The following SEMA3C variants were observed in gnomAD, a reference collection of about 807,000 sequenced individuals.
The protein encoded by SEMA3C is semaphorin-3C.
Under a neutral mutation model 89.4 loss-of-function variants are expected in SEMA3C, and 47 were observed. The observed-to-expected ratio is 0.53, with a 90% CI of 0.42 to 0.67. The LOEUF (loss-of-function observed/expected upper bound fraction) is 0.67. SEMA3C is among the 30% of genes least tolerant of loss of function. The probability of loss-of-function intolerance (pLI) is 0.00; values close to 1 mark genes in which losing one functional copy is unlikely to be tolerated. For synonymous variants in SEMA3C, 310 were observed against 320.2 expected (o/e 0.97, Z 0.34); for missense variants, 839 against 929.1 (o/e 0.90, Z 1.26).
intron 2 of SEMA3C, among the ~76,000 whole-genome samples, chr7:80,899,026 A>T (rs1341225603): frequency 1.3e-5 from 2 of 152,116 alleles, no homozygotes; most frequent in African/African-American, 4.8e-5. Context: ...AAACATTCTT[A>T]TGTGCCCTAC....
intron 4 of SEMA3C, among the ~76,000 whole-genome samples, chr7:80,826,269 C>A (rs952485839): frequency 1.3e-5 from 2 of 152,142 alleles, no homozygotes; most frequent in South Asian, 4.1e-4. Flanking sequence ...AGACTCAGGG[C>A]AGTCTTCACT....
At chr7:80,807,192 G>A (rs1201551177) in intron 6 of SEMA3C, among the ~76,000 whole-genome samples, 1 of 151,088 alleles carries the variant, frequency 6.6e-6, no homozygotes, top group Non-Finnish European at 1.5e-5. Context: ...TCACATTTTT[G>A]TATATTCAAT....
chr7:80,880,097 C>G (rs1274052383), intron 2 of SEMA3C, among the ~76,000 whole-genome samples: 1 of 152,234 alleles, frequency 6.6e-6, no homozygotes, highest in African/African-American at 2.4e-5. Context: ...TTTCCTCTGT[C>G]TGGAATGCTC....
intron 5 of SEMA3C, among the ~76,000 whole-genome samples, chr7:80,814,731 G>C (rs567102631): frequency 6.6e-6 from 1 of 152,092 alleles, no homozygotes; most frequent in African/African-American, 2.4e-5. Context: ...AATTAAAGAG[G>C]CTGAAAATAA....
At chr7:80,807,322 T>C (rs1789365319) in intron 6 of SEMA3C, among the ~76,000 whole-genome samples, 2 of 152,180 alleles carry the variant, frequency 1.3e-5, no homozygotes. Flanking sequence ...AGTTAGTGTA[T>C]GGCAGAGAGG....
At chr7:80,745,413 G>A in intron 17 of SEMA3C, 106 bp from the exon 18 acceptor site, 1 of 1,131,722 alleles carries the variant, frequency 8.8e-7, no homozygotes, top group South Asian at 1.4e-5. Flanking sequence ...TGGGAAAAAA[G>A]TATTGAGCAC....
At chr7:80,799,078 C>G (rs1026196201) in intron 10 of SEMA3C, among the ~76,000 whole-genome samples, 2 of 152,112 alleles carry the variant, frequency 1.3e-5, no homozygotes, top group African/African-American at 4.8e-5. Flanking sequence ...TTGAAAACAA[C>G]ATTTTCTTAA....
At chr7:80,919,394 G>A (rs1281981302), upstream of SEMA3C, 39 of 984,958 alleles carry the variant, frequency 4.0e-5, no homozygotes, top group Non-Finnish European at 4.6e-5. Flanking sequence ...CACGGTTTTT[G>A]TTGCCGGCGG....
At chr7:80,824,159 A>G (rs564021743) in intron 4 of SEMA3C, among the ~76,000 whole-genome samples, 12 of 152,106 alleles carry the variant, frequency 7.9e-5, no homozygotes, top group South Asian at 2.1e-4. Context: ...ACTCTGTTTT[A>G]TTTTTGCTTT....
At chr7:80,894,760 T>C (rs2116165963) in intron 2 of SEMA3C, among the ~76,000 whole-genome samples, 1 of 152,250 alleles carries the variant, frequency 6.6e-6, no homozygotes, top group African/African-American at 2.4e-5. Context: ...TTGGACCCAC[T>C]CTTAACCTAT....
chr7:80,824,788 T>C (rs1394555274), intron 4 of SEMA3C, among the ~76,000 whole-genome samples: 1 of 152,108 alleles, frequency 6.6e-6, no homozygotes, highest in Non-Finnish European at 1.5e-5. Flanking sequence ...ATGCAGTTAT[T>C]TTATCTTAGA....
chr7:80,783,301 C>T (rs1788729864), intron 12 of SEMA3C, among the ~76,000 whole-genome samples: 1 of 152,064 alleles, frequency 6.6e-6, no homozygotes, highest in South Asian at 2.1e-4. Context: ...CTTTGCTACT[C>T]TTCTACATGA....
intron 2 of SEMA3C, among the ~76,000 whole-genome samples, chr7:80,869,656 T>C (rs1791011116): frequency 6.6e-6 from 1 of 152,198 alleles, no homozygotes; most frequent in African/African-American, 2.4e-5. Context: ...TTGATTAACA[T>C]GTTTTCCTCC....
At chr7:80,883,940 AG>A (rs1201371580) in intron 2 of SEMA3C, among the ~76,000 whole-genome samples, 1 of 152,240 alleles carries the variant, frequency 6.6e-6, no homozygotes, top group African/African-American at 2.4e-5. Flanking sequence ...ACTAAGAGTG[AG>A]GCACTGTGAT....
intron 2 of SEMA3C, chr7:80,905,782 A>T: frequency 9.7e-7 from 1 of 1,030,448 alleles, no homozygotes; most frequent in Non-Finnish European, 1.3e-6. Context: ...GGTATGCAGC[A>T]GGGTTTGCCT....
chr7:80,830,598 A>G (rs1789986592), intron 2 of SEMA3C, among the ~76,000 whole-genome samples: 1 of 152,194 alleles, frequency 6.6e-6, no homozygotes, highest in African/African-American at 2.4e-5. Context: ...GGTTAGAAAA[A>G]TATTTCAGAA....
chr7:80,914,302 G>A (rs1792220405), intron 2 of SEMA3C, among the ~76,000 whole-genome samples: 1 of 152,006 alleles, frequency 6.6e-6, no homozygotes, highest in Non-Finnish European at 1.5e-5. Context: ...TACTTTGGAG[G>A]AAACTTAAAA....
At chr7:80,863,580 C>A (rs780533633) in intron 2 of SEMA3C, among the ~76,000 whole-genome samples, 1 of 151,364 alleles carries the variant, frequency 6.6e-6, no homozygotes, top group Non-Finnish European at 1.5e-5. Context: ...CAGCACAATT[C>A]GCAATTGCAA....
chr7:80,823,122 C>T (rs148194101), intron 4 of SEMA3C, among the ~76,000 whole-genome samples: 1 of 152,076 alleles, frequency 6.6e-6, no homozygotes, highest in Non-Finnish European at 1.5e-5. Flanking sequence ...TATAACAAAA[C>T]CCTGGAAGAA....
Sources: allele counts gnomAD v4.1 joint callset (sites outside exome capture counted in the v4.1 genomes callset), GRCh38; gene constraint gnomAD v4.1.1; transcripts MANE v1.5; gene names NCBI Gene and HGNC (gene_info 2026-07-23, HGNC 2026-07-21).